The following GBE1 variants were observed in gnomAD, a reference collection of about 807,000 sequenced individuals.
The protein encoded by GBE1 is 1,4-alpha-glucan-branching enzyme.
A neutral mutation model predicts 88.8 loss-of-function variants in GBE1; 70 were observed. The ratio of observed to expected loss-of-function variants is 0.79; its 90% CI spans 0.65 to 0.96. The LOEUF is 0.96. GBE1 is among the 40% of genes least tolerant of loss of function. GBE1 has a pLI of 0.00. For synonymous variants in GBE1, 284 were observed against 300.1 expected, an observed-to-expected ratio of 0.95 and a Z score of 0.56; for missense variants, 872 against 871.0, an observed-to-expected ratio of 1.00 and a Z score of -0.01.
At chr3:81,676,718 G>A (rs1487463552) in intron 2 of GBE1, among the ~76,000 whole-genome samples, 1 of 152,016 alleles carries the variant, frequency 6.6e-6, no homozygotes, top group African/African-American at 2.4e-5. Flanking sequence ...GTATACATGT[G>A]CCATGGTGGA....
intron 12 of GBE1, among the ~76,000 whole-genome samples, chr3:81,563,051 A>G (rs1408546876): frequency 2.6e-5 from 4 of 152,044 alleles, no homozygotes; most frequent in African/African-American, 7.2e-5. Flanking sequence ...ACTACGTTCT[A>G]TGAGATGACA....
chr3:81,736,915 T>A (rs1242623057), intron 1 of GBE1, among the ~76,000 whole-genome samples: 1 of 152,132 alleles, frequency 6.6e-6, no homozygotes, highest in Non-Finnish European at 1.5e-5. Flanking sequence ...TTTACCTTTT[T>A]AGAAAACTCA....
chr3:81,605,276 T>C (rs1480619892), intron 7 of GBE1, among the ~76,000 whole-genome samples: 1 of 152,188 alleles, frequency 6.6e-6, no homozygotes, highest in Non-Finnish European at 1.5e-5. Context: ...AATTTAACAA[T>C]CTACCCATAT....
chr3:81,496,362 A>G (rs1232003242), intron 15 of GBE1, among the ~76,000 whole-genome samples: 1 of 152,234 alleles, frequency 6.6e-6, no homozygotes, highest in Non-Finnish European at 1.5e-5. Context: ...ATGTATGGCT[A>G]TTTTAAGATT....
chr3:81,733,386 T>G lies in GBE1; in HGVS notation c.144-27773A>C, dbSNP rs1033492446. On this transcript the variant is annotated intron_variant, in intron 1 of 15. Coordinates refer to ENST00000429644, the MANE Select transcript of GBE1 (RefSeq NM_000158.4). This position sits in a 1 kb window ranked among gnomAD's most constrained non-coding sequence, Gnocchi z 4.0. The stretch of plus-strand genomic sequence containing the variant: ...TATTTCATTATATATTACAATGTAA[T>G]AAAATAGAAATAAAGTGCACAAAAA... 6.6e-5 allele frequency among the ~76,000 whole-genome samples: 10 copies of G among 152,002 alleles called. No individual in the cohort carries two copies. The highest frequency in any genetic ancestry group is 5.9e-4 in the Admixed American group (9 of 15,234).
chr3:81,569,356 C>T (rs916889635), intron 12 of GBE1, among the ~76,000 whole-genome samples: 5 of 152,276 alleles, frequency 3.3e-5, no homozygotes, highest in African/African-American at 1.2e-4. Context: ...AAAGATTTCT[C>T]TTATAGCAGT....
chr3:81,602,152 A>T (rs918596807), intron 7 of GBE1, among the ~76,000 whole-genome samples: 4 of 152,226 alleles, frequency 2.6e-5, no homozygotes, highest in East Asian at 1.9e-4. Context: ...CCCACAGGAT[A>T]AATTGGACAA....
chr3:81,499,334 T>C (rs905141048), intron 14 of GBE1, 107 bp from the exon 15 acceptor site: 2 of 726,268 alleles, frequency 2.8e-6, no homozygotes, highest in Non-Finnish European at 5.0e-6. Flanking sequence ...TGTTAAATCA[T>C]AATTTGTGCT....
At chr3:81,665,212 A>C (rs745341962) in intron 3 of GBE1, among the ~76,000 whole-genome samples, 2 of 152,274 alleles carry the variant, frequency 1.3e-5, no homozygotes, top group South Asian at 4.1e-4. Context: ...AAATTAAACA[A>C]ATGAAAATTA....
At chr3:81,528,365 A>G (rs2106858989) in intron 14 of GBE1, among the ~76,000 whole-genome samples, 1 of 152,210 alleles carries the variant, frequency 6.6e-6, no homozygotes, top group African/African-American at 2.4e-5. Context: ...CCCTAAACTT[A>G]AAGTATAATT....
intron 5 of GBE1, among the ~76,000 whole-genome samples, chr3:81,647,565 T>A (rs911715067): frequency 2.0e-5 from 3 of 152,170 alleles, no homozygotes; most frequent in Non-Finnish European, 4.4e-5. Context: ...CTTCTTGAAG[T>A]ATAATTTGGT....
intron 1 of GBE1, among the ~76,000 whole-genome samples, chr3:81,754,220 G>A (rs1477023581): frequency 6.6e-6 from 1 of 151,774 alleles, no homozygotes; most frequent in South Asian, 2.1e-4. Flanking sequence ...TACCTACAAC[G>A]AATACAAAAT....
At chr3:81,511,855 A>G (rs1180024034) in intron 14 of GBE1, among the ~76,000 whole-genome samples, 1 of 148,774 alleles carries the variant, frequency 6.7e-6, no homozygotes. Context: ...AGGAAAATAA[A>G]TTGTCCTACA....
chr3:81,725,874 T>C (rs1456601733), intron 1 of GBE1, among the ~76,000 whole-genome samples: 1 of 152,190 alleles, frequency 6.6e-6, no homozygotes, highest in Non-Finnish European at 1.5e-5. Context: ...CACTGGGGCA[T>C]GACATGAGCT....
intron 2 of GBE1, among the ~76,000 whole-genome samples, chr3:81,674,057 C>G (rs1410811562): frequency 2.0e-5 from 3 of 151,852 alleles, no homozygotes; most frequent in African/African-American, 7.2e-5. Flanking sequence ...TTCCATTAGT[C>G]CGTTTTCTCT....
At chr3:81,737,553 A>T (rs1026597822) in intron 1 of GBE1, among the ~76,000 whole-genome samples, 2 of 150,780 alleles carry the variant, frequency 1.3e-5, no homozygotes. Context: ...CCATGATAAC[A>T]TAAGTACTGA....
At chr3:81,657,779 C>T (rs546086097) in intron 3 of GBE1, among the ~76,000 whole-genome samples, 3 of 152,042 alleles carry the variant, frequency 2.0e-5, no homozygotes, top group South Asian at 4.2e-4. Flanking sequence ...TCTTTCTTTG[C>T]CTCATAATTT....
chr3:81,551,388 A>G (rs1349558417), intron 12 of GBE1, among the ~76,000 whole-genome samples: 1 of 152,174 alleles, frequency 6.6e-6, no homozygotes, highest in African/African-American at 2.4e-5. Context: ...TAAAGAAAGT[A>G]GTAGGAGAGT....
At chr3:81,685,637 C>T (rs572270064) in intron 2 of GBE1, among the ~76,000 whole-genome samples, 64 of 152,254 alleles carry the variant, frequency 4.2e-4, no homozygotes, top group African/African-American at 1.5e-3. Context: ...CTGTCTCGGC[C>T]TCCCAAAGTG....
Sources: allele counts gnomAD v4.1 joint callset (sites outside exome capture counted in the v4.1 genomes callset), GRCh38; gene constraint gnomAD v4.1.1; non-coding constraint Gnocchi (gnomAD v3.1); transcripts MANE v1.5; gene names NCBI Gene and HGNC (gene_info 2026-07-23, HGNC 2026-07-21).